ZBTB16: variants seen among roughly 807,000 people sequenced by gnomAD.
The protein encoded by ZBTB16 is zinc finger and BTB domain-containing protein 16.
ZBTB16 carries 8 observed loss-of-function variants against 56.8 expected under a neutral mutation model. The observed-to-expected ratio is 0.14, with a 90% CI of 0.08 to 0.25. ZBTB16 has a LOEUF of 0.25. ZBTB16 is among the 10% of genes least tolerant of loss of function. The pLI is 1.00. For missense variants in ZBTB16, 625 were observed against 903.0 expected (o/e 0.69, Z 3.95); for synonymous variants, 363 against 368.5 (o/e 0.98, Z 0.17).
In ZBTB16 at chr11:114,125,102, T is replaced by TA. The variant is rs756824283; in HGVS notation, c.1269-31225dup. On this transcript the variant is annotated intron_variant, in intron 2 of 6. Transcript: ENST00000335953. ...TTTTCCTTTATAGTTCTATTGGAGT[T>TA]AAAAAAAAAATGACAGCAGTGTCAG... Among the ~76,000 whole-genome samples the TA allele has an allele frequency of 3.3e-3, 490 of 149,126 alleles. 1 individual carries two copies. Among genetic ancestry groups the TA allele is most frequent in the Middle Eastern group, 6.9e-3 (2 of 288 alleles).
At chr11:114,084,082 CT>C (rs1939878842) in intron 2 of ZBTB16, among the ~76,000 whole-genome samples, 1 of 152,242 alleles carries the variant, frequency 6.6e-6, no homozygotes, top group African/African-American at 2.4e-5. Flanking sequence ...AATCTGTCCA[CT>C]GAGTGTCTCC....
intron 4 of ZBTB16, among the ~76,000 whole-genome samples, chr11:114,230,633 G>GGA (rs1555159023): frequency 1.5e-5 from 2 of 133,860 alleles, no homozygotes; most frequent in Non-Finnish European, 3.2e-5. Flanking sequence ...ATCTTCTGTG[G>GGA]GGGGGGGGCG....
chr11:114,157,541 G>C (rs1344477179), intron 3 of ZBTB16, among the ~76,000 whole-genome samples: 1 of 152,144 alleles, frequency 6.6e-6, no homozygotes, highest in Non-Finnish European at 1.5e-5. Context: ...GCCCCGGGGG[G>C]CGTGTCCCCA....
chr11:114,136,022 G>A (rs771797369), intron 2 of ZBTB16, among the ~76,000 whole-genome samples: 15 of 152,106 alleles, frequency 9.9e-5, no homozygotes, highest in South Asian at 2.1e-4. Context: ...TCCCTTTGCG[G>A]TGTGGAATCT....
intron 2 of ZBTB16, among the ~76,000 whole-genome samples, chr11:114,067,887 A>G (rs939109827): frequency 6.6e-6 from 1 of 151,940 alleles, no homozygotes. Context: ...AGCTAGATGT[A>G]CTTTGTAGAA....
At chr11:114,090,848 G>T (rs186110694) in intron 2 of ZBTB16, among the ~76,000 whole-genome samples, 205 of 152,232 alleles carry the variant, frequency 1.3e-3, no homozygotes, top group African/African-American at 4.6e-3. Context: ...TTTTTCTGTA[G>T]CATTTTGTCT....
chr11:114,246,828 T>A (rs1944825681), intron 5 of ZBTB16: 1 of 277,592 alleles, frequency 3.6e-6, no homozygotes, highest in Admixed American at 4.7e-5. Flanking sequence ...CAGGCTGGAG[T>A]GACTTTCACC....
intron 3 of ZBTB16, among the ~76,000 whole-genome samples, chr11:114,162,397 C>T (rs1306665639): frequency 6.6e-6 from 1 of 152,186 alleles, no homozygotes; most frequent in African/African-American, 2.4e-5. Flanking sequence ...TTCCCTGTGA[C>T]TGGGAGGAGA....
intron 2 of ZBTB16, among the ~76,000 whole-genome samples, chr11:114,150,829 C>T (rs921069828): frequency 6.6e-5 from 10 of 152,176 alleles, no homozygotes; most frequent in Admixed American, 5.2e-4. Context: ...GAGTCGGTTG[C>T]TTTTGCGGCT....
Position 114,063,201 on chromosome 11 carries a change from T to G in ZBTB16, c.-90-10T>G. 2 of 1,353,936 alleles carry G rather than the reference T, an allele frequency of 1.5e-6. No homozygotes were observed. Among genetic ancestry groups the G allele is most frequent in the Non-Finnish European group, 2.0e-6 (2 of 977,082 alleles). 83.9% of individuals were successfully genotyped at this position (1,353,936 alleles called of 1,614,324 possible). ...ATCTCTTTTGCTTCTTCCCCTCTTC[T>G]TTCTCCTAGCCTCCTCTATTGGCCC... On this transcript the variant is annotated splice_polypyrimidine_tract_variant and intron_variant, in intron 1 of 6. Transcript: ENST00000335953. The surrounding 1 kb of genome is among the most constrained non-coding windows in gnomAD (Gnocchi z 6.5).
intron 2 of ZBTB16, among the ~76,000 whole-genome samples, chr11:114,077,944 A>G (rs1020705555): frequency 2.0e-5 from 3 of 152,176 alleles, no homozygotes; most frequent in African/African-American, 2.4e-5. Flanking sequence ...TTAACAACCT[A>G]TGAGGAGTAG....
intron 3 of ZBTB16, among the ~76,000 whole-genome samples, chr11:114,174,018 A>G (rs1423836754): frequency 6.6e-6 from 1 of 152,194 alleles, no homozygotes; most frequent in Non-Finnish European, 1.5e-5. Flanking sequence ...TCCTTCCTAC[A>G]TGTTTTCATA....
At chr11:114,172,459 A>G (rs1387665184) in intron 3 of ZBTB16, among the ~76,000 whole-genome samples, 1 of 152,156 alleles carries the variant, frequency 6.6e-6, no homozygotes, top group Non-Finnish European at 1.5e-5. Flanking sequence ...CATTTTACAG[A>G]TGAGGAGACT....
chr11:114,242,046 T>G, intron 4 of ZBTB16, 121 bp from the exon 5 acceptor site: 1 of 1,327,702 alleles, frequency 7.5e-7, no homozygotes, highest in Non-Finnish European at 1.1e-6. Flanking sequence ...CACTCTGGAT[T>G]TGCCCCTGAG....
chr11:114,087,073 T>C (rs1565617284), intron 2 of ZBTB16, among the ~76,000 whole-genome samples: 1 of 152,166 alleles, frequency 6.6e-6, no homozygotes, highest in East Asian at 1.9e-4. Context: ...ATTGCCACTT[T>C]CTAAGTGGCA....
intron 2 of ZBTB16, among the ~76,000 whole-genome samples, chr11:114,099,402 A>G (rs1940529106): frequency 1.3e-5 from 2 of 152,104 alleles, no homozygotes; most frequent in African/African-American, 4.8e-5. Context: ...AAAGGAGTGT[A>G]GTTTATAATA....
intron 2 of ZBTB16, among the ~76,000 whole-genome samples, chr11:114,114,435 A>G (rs778945578): frequency 3.3e-5 from 5 of 152,192 alleles, no homozygotes; most frequent in Admixed American, 6.5e-5. Flanking sequence ...TACTTGGTTG[A>G]TCTTTATCTT....
intron 2 of ZBTB16, among the ~76,000 whole-genome samples, chr11:114,105,350 C>T (rs1025758365): frequency 2.0e-5 from 3 of 152,048 alleles, no homozygotes; most frequent in East Asian, 1.9e-4. Flanking sequence ...AAGCAATTCT[C>T]CTGCCTCAGC....
At chr11:114,231,490 A>G (rs1046388284) in intron 4 of ZBTB16, among the ~76,000 whole-genome samples, 12 of 152,160 alleles carry the variant, frequency 7.9e-5, no homozygotes, top group African/African-American at 2.9e-4. Flanking sequence ...GTGAGTGTTC[A>G]GCCAGTTCTA....
Sources: allele counts gnomAD v4.1 joint callset (sites outside exome capture counted in the v4.1 genomes callset), GRCh38; gene constraint gnomAD v4.1.1; non-coding constraint Gnocchi (gnomAD v3.1); transcripts MANE v1.5; gene names NCBI Gene and HGNC (gene_info 2026-07-23, HGNC 2026-07-21).